KIF21B: variants seen among roughly 807,000 people sequenced by gnomAD.
The protein encoded by KIF21B is kinesin family member 21B, also known as kinesin-like protein KIF21B.
Under a neutral mutation model 192.9 loss-of-function variants are expected in KIF21B, and 85 were observed. The observed-to-expected ratio is 0.44, with a 90% CI of 0.37 to 0.53. KIF21B has a LOEUF of 0.53. Ranked by LOEUF, KIF21B falls within the 20% of genes least tolerant of loss-of-function variation. The pLI, the probability that KIF21B is intolerant of heterozygous loss-of-function variation, is 0.00. For missense variants in KIF21B, 1,716 were observed against 2,194.8 expected (o/e 0.78, Z 4.36); for synonymous variants, 832 against 884.6 (o/e 0.94, Z 1.05).
chr1:201,015,258 G>C (rs74606318), intron 1 of KIF21B, among the ~76,000 whole-genome samples: 1 of 152,306 alleles, frequency 6.6e-6, no homozygotes, highest in East Asian at 1.9e-4. Flanking sequence ...CTGCCCACTT[G>C]TGTGTAATTT....
At chr1:201,014,550 C>T (rs955275194) in intron 1 of KIF21B, among the ~76,000 whole-genome samples, 1 of 152,220 alleles carries the variant, frequency 6.6e-6, no homozygotes, top group Non-Finnish European at 1.5e-5. Context: ...CACCCTCTCC[C>T]GCGGGCTTAG....
chr1:200,972,300 G>A lies in KIF21B; in HGVS notation c.*1221C>T, dbSNP rs1477706088. The A allele has an allele frequency of 4.6e-5, 7 of 152,340 alleles. No individual in the cohort carries two copies. Among genetic ancestry groups the A allele is most frequent in the Admixed American group, 4.6e-4 (7 of 15,286 alleles). The allele number at this position is 152,340 out of a possible 1,614,324, so 9.4% of individuals were successfully genotyped here. ...AAAATGTGTCTCCTGAATAACCAGA[G>A]AGAGAGAAGCTGGAGAGACTCCCCG... is the stretch of plus-strand genomic sequence containing the variant. On this transcript the variant is annotated 3_prime_UTR_variant, in exon 35 of 35. Coordinates refer to ENST00000461742, the MANE Select transcript of KIF21B (RefSeq NM_001252102.2).
chr1:200,992,164 T>C (rs1656741421), intron 16 of KIF21B, 118 bp downstream of exon 16: 1 of 795,662 alleles, frequency 1.3e-6, no homozygotes, highest in African/African-American at 1.7e-5. Context: ...GCATGACCAT[T>C]ACCACTTAGG....
At chr1:200,992,145 G>A in intron 16 of KIF21B, 137 bp downstream of exon 16, 3 of 707,290 alleles carry the variant, frequency 4.2e-6, no homozygotes, top group Non-Finnish European at 7.2e-6. Context: ...AGGCTGTACT[G>A]TCCTCCAAGC....
At position 200,973,240 on chromosome 1, in the gene KIF21B, C is replaced by T. The variant is rs937768400; in HGVS notation, c.*281G>A. 2.4e-5 allele frequency: 9 copies of T among 380,846 alleles called. No individual in the cohort carries two copies. Among genetic ancestry groups the T allele is most frequent in the African/African-American group, 1.7e-4 (8 of 47,712 alleles). The allele number at this position is 380,846 out of a possible 1,614,324, so 23.6% of individuals were successfully genotyped here. On this transcript the variant is annotated 3_prime_UTR_variant, in exon 35 of 35. Transcript: ENST00000461742. ...GCCGGTTCAGCAGGAGACAATGTGG[C>T]CACGACTGCCAGGAGGGGAACAAGA...
At chr1:200,976,182 C>T (rs1451646457) in intron 32 of KIF21B, among the ~76,000 whole-genome samples, 1 of 152,162 alleles carries the variant, frequency 6.6e-6, no homozygotes, top group Non-Finnish European at 1.5e-5. Context: ...CCTCTGCCTC[C>T]CGGGTTCAAG....
chr1:201,020,621 T>A (rs1258960498), intron 1 of KIF21B, among the ~76,000 whole-genome samples: 1 of 152,122 alleles, frequency 6.6e-6, no homozygotes, highest in African/African-American at 2.4e-5. Flanking sequence ...CCCCTGAACT[T>A]TCTTCCCTTA....
At chr1:200,980,362 C>T (rs760234042) in intron 29 of KIF21B, among the ~76,000 whole-genome samples, 17 of 152,220 alleles carry the variant, frequency 1.1e-4, no homozygotes, top group Non-Finnish European at 2.4e-4. Context: ...TCAAACGATC[C>T]TCCCACCTCA....
intron 29 of KIF21B, 59 bp downstream of exon 29, chr1:200,980,901 A>G: frequency 6.4e-7 from 1 of 1,572,742 alleles, no homozygotes; most frequent in Non-Finnish European, 8.6e-7. Context: ...ACTCTGACAA[A>G]GGAAGCAGGG....
In KIF21B at chr1:200,987,131, G is replaced by C; in HGVS notation, c.3479C>G (p.Ser1160Cys). 1 of 1,614,034 alleles carries C rather than the reference G, an allele frequency of 6.2e-7. No homozygotes were observed. The highest frequency in any genetic ancestry group is 8.5e-7 in the Non-Finnish European group (1 of 1,179,990). The change falls in exon 25 of 35, where the codon TCC (serine) becomes TGC (cysteine). Residue 1160 changes from serine (S) to cysteine (C), a missense_variant. Transcript: ENST00000461742. The part of the protein sequence containing the change: ...AECLGPPLDI[S>C]TKNITKSLAS... ...CAGGGACTTGGTGATGTTCTTGGTG[G>C]AGATATCCAGTGGGGGGCCCAGGCA...
chr1:200,998,676 C>T lies in KIF21B; in HGVS notation c.1886-101G>A. On this transcript the variant is annotated intron_variant, in intron 13 of 34. Transcript: ENST00000461742. This position sits in a 1 kb window ranked among gnomAD's most constrained non-coding sequence, Gnocchi z 4.3. ...GAGCTGGGACCCTCCTTTGGTCAGC[C>T]ATGACCAATCAGTGACCAGAGACTG... 9.8e-7 allele frequency: 1 copy of T among 1,018,022 alleles called. No individual in the cohort carries two copies. The highest frequency in any genetic ancestry group is 2.1e-4 in the Middle Eastern group (1 of 4,676). 63.1% of individuals were successfully genotyped at this position (1,018,022 alleles called of 1,614,324 possible). A position where few individuals can be genotyped will look rare whatever the true frequency, so the allele number is the denominator to read the frequency against.
chr1:201,008,136 G>A (rs556328926), intron 3 of KIF21B, among the ~76,000 whole-genome samples: 1 of 152,328 alleles, frequency 6.6e-6, no homozygotes, highest in African/African-American at 2.4e-5. Flanking sequence ...CCCTTACTGA[G>A]TGGGGGCTCA....
chr1:200,998,461 T>C lies in KIF21B; in HGVS notation c.2000A>G (p.Tyr667Cys), dbSNP rs1427696752. The change falls in exon 14 of 35, where the codon TAT (tyrosine) becomes TGT (cysteine). Residue 667 changes from tyrosine to cysteine, a missense_variant. This residue lies in a region of KIF21B where 1,087 missense variants were observed against 1,316.6 expected (regional missense o/e 0.83). Coordinates refer to ENST00000461742, the MANE Select transcript of KIF21B (RefSeq NM_001252102.2). This position sits in a 1 kb window ranked among gnomAD's most constrained non-coding sequence, Gnocchi z 4.3. ...QRRLQTLKHQ[Y>C]EEKLILLQNK... Reference sequence around the variant, plus strand: ...CTGCAGCAGAATCAGCTTTTCCTCATACTGGTGCTTGAGCGTCTGCAACCG... The same window carrying C: ...CTGCAGCAGAATCAGCTTTTCCTCACACTGGTGCTTGAGCGTCTGCAACCG... 3 of 1,614,126 alleles carry C rather than the reference T, an allele frequency of 1.9e-6. No homozygotes were observed. The highest frequency in any genetic ancestry group is 3.3e-5 in the Admixed American group (2 of 60,028).
chr1:200,977,100 T>C, intron 31 of KIF21B, 112 bp downstream of exon 31: 1 of 1,267,430 alleles, frequency 7.9e-7, no homozygotes, highest in Non-Finnish European at 1.1e-6. Context: ...ATGGGGGGAA[T>C]AAAGGTGTTG....
intron 6 of KIF21B, 101 bp from the exon 7 acceptor site, chr1:201,004,556 C>T (rs1313581507): frequency 5.1e-6 from 6 of 1,176,150 alleles, no homozygotes; most frequent in Non-Finnish European, 7.4e-6. Flanking sequence ...TCTTTGGCCC[C>T]AGCAGCCCTC....
At chr1:200,989,288 C>T (rs762715083) in intron 21 of KIF21B, among the ~76,000 whole-genome samples, 62 of 152,318 alleles carry the variant, frequency 4.1e-4, no homozygotes, top group Admixed American at 2.8e-3. Flanking sequence ...TTGGTTATGG[C>T]AGCCCTAGCA....
chr1:201,020,691 C>T (rs1658767699), intron 1 of KIF21B, among the ~76,000 whole-genome samples: 1 of 152,186 alleles, frequency 6.6e-6, no homozygotes. Flanking sequence ...CAGGCCTTCA[C>T]TGAAGCGTTT....
rs1656439793 is a variant in KIF21B at position 200,988,359 on chromosome 1, G to C, written c.3351-6C>G. The C allele has an allele frequency of 1.9e-6, 3 of 1,613,982 alleles. No individual in the cohort carries two copies. The highest frequency in any genetic ancestry group is 2.7e-5 in the African/African-American group (2 of 74,886). The stretch of plus-strand genomic sequence containing the variant: ...TGGTGAATGACTGGGAGAAGCTGAG[G>C]AAGAAGCAGAGAGAGTTCAGGATCC... On this transcript the variant is annotated splice_polypyrimidine_tract_variant and splice_region_variant and intron_variant, in intron 23 of 34. Transcript: ENST00000461742.
chr1:201,008,274 C>T (rs1658029233), intron 3 of KIF21B, among the ~76,000 whole-genome samples: 1 of 152,162 alleles, frequency 6.6e-6, no homozygotes, highest in Admixed American at 6.5e-5. Context: ...AAAGACCTTT[C>T]CTAGAGGACC....
Sources: gnomAD v4.1 joint callset for allele counts (sites outside exome capture counted in the v4.1 genomes callset) on GRCh38, gnomAD v4.1.1 for gene constraint, gnomAD v4.1.1 regional missense constraint, Gnocchi (gnomAD v3.1) non-coding constraint, MANE v1.5 for transcripts, NCBI Gene and HGNC (gene_info 2026-07-23, HGNC 2026-07-21) for gene names.